Variants in PACRG observed in about 807,000 individuals in gnomAD.
The protein encoded by PACRG is parkin coregulated, also known as parkin coregulated gene protein.
In PACRG, 29 loss-of-function variants were observed where a neutral mutation model predicts 29.7. The observed-to-expected ratio is 0.98, with a 90% CI of 0.73 to 1.33. PACRG has a LOEUF of 1.33. PACRG is among the 40% of genes most tolerant of loss of function. The pLI, the probability that PACRG is intolerant of heterozygous loss-of-function variation, is 0.00. For missense variants in PACRG, 279 were observed against 316.2 expected, an observed-to-expected ratio of 0.88 and a Z score of 0.89; for synonymous variants, 116 against 118.7, an observed-to-expected ratio of 0.98 and a Z score of 0.15.
intron 4 of PACRG, among the ~76,000 whole-genome samples, chr6:163,169,290 A>G (rs2985664): frequency 0.025 from 3,774 of 152,306 alleles, 61 homozygotes; most frequent in Non-Finnish European, 0.038. Context: ...CAGGGATCTC[A>G]TCTGAGAAGG....
intron 2 of PACRG, among the ~76,000 whole-genome samples, chr6:162,988,186 A>T (rs1364415771): frequency 1.3e-5 from 2 of 152,172 alleles, no homozygotes; most frequent in African/African-American, 4.8e-5. Context: ...TGGGAGCTGC[A>T]TGTTAGCCCT....
intron 4 of PACRG, among the ~76,000 whole-genome samples, chr6:163,239,637 A>C (rs1782382279): frequency 2.0e-5 from 3 of 148,914 alleles, no homozygotes; most frequent in East Asian, 4.0e-4. Flanking sequence ...TCCTGCTCCC[A>C]CGGCTGCCCC....
At chr6:162,995,824 T>C (rs1334174552) in intron 2 of PACRG, among the ~76,000 whole-genome samples, 2 of 152,256 alleles carry the variant, frequency 1.3e-5, no homozygotes, top group East Asian at 3.9e-4. Flanking sequence ...ACATATTCTT[T>C]ACCCATCCAT....
At chr6:162,811,476 G>T (rs890040411) in intron 1 of PACRG, among the ~76,000 whole-genome samples, 3 of 151,966 alleles carry the variant, frequency 2.0e-5, no homozygotes, top group Admixed American at 2.0e-4. Context: ...AACTTTAAAG[G>T]CTATTACATT....
intron 2 of PACRG, among the ~76,000 whole-genome samples, chr6:162,973,550 C>A (rs1322166982): frequency 6.6e-6 from 1 of 152,086 alleles, no homozygotes; most frequent in Admixed American, 6.6e-5. Flanking sequence ...ACTTAAATGT[C>A]ATTTTGTCTT....
chr6:163,122,148 A>C (rs191540055), intron 4 of PACRG, among the ~76,000 whole-genome samples: 78 of 152,242 alleles, frequency 5.1e-4, no homozygotes, highest in Middle Eastern at 3.4e-3. Flanking sequence ...AGAGTAGAAA[A>C]ATTTCTAGTA....
At chr6:163,273,861 T>C (rs886876109) in intron 4 of PACRG, among the ~76,000 whole-genome samples, 2 of 152,202 alleles carry the variant, frequency 1.3e-5, no homozygotes, top group African/African-American at 4.8e-5. Context: ...TAATTCCATT[T>C]ATTTTGTTGC....
At chr6:162,980,892 T>A (rs896481966) in intron 2 of PACRG, among the ~76,000 whole-genome samples, 2 of 152,138 alleles carry the variant, frequency 1.3e-5, no homozygotes, top group African/African-American at 4.8e-5. Context: ...TTACTTTCTT[T>A]TTTTTTATTT....
chr6:163,284,883 T>G (rs566849064), intron 4 of PACRG, among the ~76,000 whole-genome samples: 1 of 152,326 alleles, frequency 6.6e-6, no homozygotes, highest in Admixed American at 6.5e-5. Context: ...TTTATCAAAT[T>G]CAACACCATG....
chr6:162,779,774 AGATG>A (rs1291159656), intron 1 of PACRG, among the ~76,000 whole-genome samples: 1 of 152,220 alleles, frequency 6.6e-6, no homozygotes, highest in African/African-American at 2.4e-5. Flanking sequence ...TTTCTAATCA[AGATG>A]GAACAGCAGT....
At chr6:163,303,999 G>GA (rs547577193) in intron 4 of PACRG, among the ~76,000 whole-genome samples, 1 of 114,776 alleles carries the variant, frequency 8.7e-6, no homozygotes, top group East Asian at 2.6e-4. Context: ...CTGGGTGACA[G>GA]AGCAAGACTC....
At chr6:163,254,537 T>C (rs909548348) in intron 4 of PACRG, among the ~76,000 whole-genome samples, 1 of 152,262 alleles carries the variant, frequency 6.6e-6, no homozygotes, top group Admixed American at 6.5e-5. Flanking sequence ...TCTGGGTTCT[T>C]CAGCTCGCGA....
chr6:162,771,777 A>G (rs1025634918), intron 1 of PACRG, among the ~76,000 whole-genome samples: 4 of 152,202 alleles, frequency 2.6e-5, no homozygotes, highest in African/African-American at 9.6e-5. Flanking sequence ...TGATAGCTAT[A>G]TACATCTAAG....
chr6:162,868,203 C>G (rs112478144), intron 2 of PACRG, among the ~76,000 whole-genome samples: 1 of 152,148 alleles, frequency 6.6e-6, no homozygotes, highest in Non-Finnish European at 1.5e-5. Context: ...TTCCTAGATC[C>G]AGCCTGGAAC....
rs146470933 is a variant in PACRG, at chr6:163,201,195, C to T, written c.613+111787C>T. On this transcript the variant is annotated intron_variant, in intron 4 of 4. Coordinates refer to ENST00000366888, the MANE Select transcript of PACRG (RefSeq NM_001080379.2). ...TACAAGAAGAAAGTGAATACTTAAG[C>T]GGAATTGGTGAAAACCTTTAATTTA... Among the ~76,000 whole-genome samples the T allele has an allele frequency of 3.2e-3, 484 of 152,264 alleles. 8 individuals are homozygous for T. Among genetic ancestry groups the T allele is most frequent in the African/African-American group, 9.7e-3 (403 of 41,546 alleles).
intron 4 of PACRG, among the ~76,000 whole-genome samples, chr6:163,284,811 T>C (rs1403657982): frequency 6.6e-6 from 1 of 152,134 alleles, no homozygotes; most frequent in African/African-American, 2.4e-5. Context: ...CTGTTGCCCC[T>C]GCTAAAGCTG....
intron 4 of PACRG, among the ~76,000 whole-genome samples, chr6:163,168,148 G>A (rs1001445989): frequency 2.6e-5 from 4 of 152,146 alleles, no homozygotes; most frequent in African/African-American, 9.7e-5. Flanking sequence ...AAAGTATCCT[G>A]TAGGAAAACA....
intron 4 of PACRG, among the ~76,000 whole-genome samples, chr6:163,251,894 C>T (rs1385545559): frequency 6.6e-6 from 1 of 152,178 alleles, no homozygotes; most frequent in African/African-American, 2.4e-5. Flanking sequence ...GGGTAAATTG[C>T]TTAACCTTTC....
intron 2 of PACRG, among the ~76,000 whole-genome samples, chr6:162,934,872 G>A (rs144220571): frequency 0.02 from 3,025 of 152,234 alleles, 55 homozygotes; most frequent in Non-Finnish European, 0.031. Context: ...CTAGTCTAGT[G>A]GTGATGAATT....
Sources: gnomAD v4.1 joint callset for allele counts (sites outside exome capture counted in the v4.1 genomes callset) on GRCh38, gnomAD v4.1.1 for gene constraint, MANE v1.5 for transcripts, NCBI Gene and HGNC (gene_info 2026-07-23, HGNC 2026-07-21) for gene names.